Variants in RIMBP2 observed in about 807,000 individuals in gnomAD.
RIMBP2 encodes RIMS binding protein 2, also known as RIMS-binding protein 2.
RIMBP2 carries 48 observed loss-of-function variants against 118.6 expected under a neutral mutation model. The ratio of observed to expected loss-of-function variants is 0.40; its 90% CI spans 0.32 to 0.51. The LOEUF (loss-of-function observed/expected upper bound fraction) is 0.51. RIMBP2 is among the 20% of genes least tolerant of loss of function. RIMBP2 has a pLI of 0.41. For missense variants in RIMBP2, 1,551 were observed against 1,768.3 expected, an observed-to-expected ratio of 0.88 and a Z score of 2.20; for synonymous variants, 762 against 742.9, an observed-to-expected ratio of 1.03 and a Z score of -0.42.
chr12:130,474,871 C>A (rs1291020503), intron 5 of RIMBP2, among the ~76,000 whole-genome samples: 1 of 152,218 alleles, frequency 6.6e-6, no homozygotes, highest in Non-Finnish European at 1.5e-5. Flanking sequence ...CCATTCACAG[C>A]CTGTTCTCAC....
At position 130,701,404 on chromosome 12, in the gene RIMBP2, G is replaced by T. The variant is rs576317906; in HGVS notation, c.-352+14818C>A. 5.3e-5 allele frequency among the ~76,000 whole-genome samples: 8 copies of T among 152,220 alleles called. 1 individual carries two copies. Among genetic ancestry groups the T allele is most frequent in the African/African-American group, 1.9e-4 (8 of 41,450 alleles). ...GCCTTACACTCAGCTTACATCACAC[G>T]TGGAACTGCTTGTATTGGAGTTTAC... On this transcript the variant is annotated intron_variant, in intron 1 of 22. Transcript: ENST00000690449.
At chr12:130,409,943 G>T (rs2075567150) in intron 19 of RIMBP2, among the ~76,000 whole-genome samples, 1 of 152,184 alleles carries the variant, frequency 6.6e-6, no homozygotes, top group African/African-American at 2.4e-5. Context: ...TATTGTAAGT[G>T]CACATATAAC....
At chr12:130,586,882 T>C (rs2058920791) in intron 2 of RIMBP2, among the ~76,000 whole-genome samples, 1 of 85,772 alleles carries the variant, frequency 1.2e-5, no homozygotes, top group African/African-American at 4.7e-5. Flanking sequence ...ACCATCAGAG[T>C]GAACAGGCAA....
chr12:130,711,617 G>C (rs897562498), intron 1 of RIMBP2, among the ~76,000 whole-genome samples: 1 of 152,170 alleles, frequency 6.6e-6, no homozygotes, highest in African/African-American at 2.4e-5. Flanking sequence ...CATTACAGAT[G>C]CATTTGCTTC....
At chr12:130,605,234 G>T (rs1371596693) in intron 2 of RIMBP2, among the ~76,000 whole-genome samples, 1 of 152,208 alleles carries the variant, frequency 6.6e-6, no homozygotes, top group Non-Finnish European at 1.5e-5. Flanking sequence ...TTCTGGGAGT[G>T]GAGGGTGGGT....
rs2137062475 is a variant in RIMBP2, at chr12:130,438,266, G to A, written c.1656+99C>T. ...AGGGTGCCTCCAGTGATCAGGGCTG[G>A]AAGAGCAGACCCTGCCTCCTCCACT... On this transcript the variant is annotated intron_variant, in intron 12 of 22. Coordinates refer to ENST00000690449, the MANE Select transcript of RIMBP2 (RefSeq NM_001393629.1). 3 of 1,404,354 alleles carry A rather than the reference G, an allele frequency of 2.1e-6. No individual in the cohort carries two copies. In the Middle Eastern group the frequency reaches 5.7e-4, roughly 268 times the overall value. The allele number at this position is 1,404,354 out of a possible 1,614,324, so 87.0% of individuals were successfully genotyped here.
chr12:130,549,146 A>G (rs1394121796), intron 2 of RIMBP2, among the ~76,000 whole-genome samples: 1 of 152,148 alleles, frequency 6.6e-6, no homozygotes, highest in Non-Finnish European at 1.5e-5. Flanking sequence ...AGGACTGCCT[A>G]ATTCAAACGT....
chr12:130,619,247 G>A (rs75445325), intron 2 of RIMBP2, among the ~76,000 whole-genome samples: 5,830 of 152,246 alleles, frequency 0.038, 387 homozygotes, highest in African/African-American at 0.13. Flanking sequence ...TCCTCAATGA[G>A]GTCCACATTA....
intron 2 of RIMBP2, among the ~76,000 whole-genome samples, chr12:130,537,773 C>A (rs902248377): frequency 2.1e-4 from 32 of 152,182 alleles, no homozygotes; most frequent in African/African-American, 7.5e-4. Context: ...ATCCTGATTG[C>A]TTTTCATGGG....
rs1180840815 is a variant in RIMBP2, at chr12:130,442,643, G to T, written c.709C>A (p.Gln237Lys). 2 of 1,613,922 alleles carry T rather than the reference G, an allele frequency of 1.2e-6. No individual in the cohort carries two copies. Among genetic ancestry groups the T allele is most frequent in the Non-Finnish European group, 1.7e-6 (2 of 1,179,914 alleles). The change falls in exon 11 of 23, where the codon CAG becomes AAG. Residue 237 changes from glutamine (Q) to lysine (K), a missense_variant. Gln to Lys is a moderately conservative substitution (Grantham distance 53). Coordinates refer to ENST00000690449, the MANE Select transcript of RIMBP2 (RefSeq NM_001393629.1). This position sits in a 1 kb window ranked among gnomAD's most constrained non-coding sequence, Gnocchi z 6.9. ...GFYEGELLDG[Q>K]RGLVPSNFVD... ...AAGTTGGAGGGCACCAGACCCCTCT[G>T]GCCATCGAGGAGCTCTCCTGTTGGG...
rs183059120 is a variant in RIMBP2, at chr12:130,437,535, G to A, written c.1657-244C>T. ...TAGAGGGTTCCGTCAGGCCAGTGAC[G>A]TCAACCATTTATCTCCCATCCTCTG... On this transcript the variant is annotated intron_variant, in intron 12 of 22. Transcript: ENST00000690449. Among the ~76,000 whole-genome samples the A allele has an allele frequency of 1.1e-4, 17 of 152,314 alleles. No homozygotes were observed. The East Asian group carries it at 2.9e-3, about 26-fold the overall frequency.
chr12:130,686,782 G>A (rs1199838761), intron 1 of RIMBP2, among the ~76,000 whole-genome samples: 1 of 152,236 alleles, frequency 6.6e-6, no homozygotes, highest in Non-Finnish European at 1.5e-5. Context: ...GCACCAGATG[G>A]CTGCAGGGCC....
chr12:130,708,057 A>G (rs1158016372), intron 1 of RIMBP2, among the ~76,000 whole-genome samples: 1 of 152,174 alleles, frequency 6.6e-6, no homozygotes, highest in Non-Finnish European at 1.5e-5. Context: ...TTCAGCCATA[A>G]AAAGAGATGA....
In RIMBP2 at chr12:130,422,479, G is replaced by A; in HGVS notation, c.3212C>T (p.Ser1071Phe). Reference sequence around the variant, plus strand: ...GATGGATGGGACTGTCACGGGCCGGGACCTCTGAGGACCAGCGCTGCCACG... The same window carrying A: ...GATGGATGGGACTGTCACGGGCCGGAACCTCTGAGGACCAGCGCTGCCACG... The part of the protein sequence containing the change: ...FPRGSAGPQR[S>F]RPVTVPSIDD... The change falls in exon 17 of 23, where the codon TCC becomes TTC. Residue 1071 changes from serine (S) to phenylalanine (F), a missense_variant. Transcript: ENST00000690449. The surrounding 1 kb of genome is among the most constrained non-coding windows in gnomAD (Gnocchi z 5.2). The A allele has an allele frequency of 6.2e-7, 1 of 1,612,630 alleles. No individual in the cohort carries two copies. Among genetic ancestry groups the A allele is most frequent in the Non-Finnish European group, 8.5e-7 (1 of 1,178,916 alleles).
intron 4 of RIMBP2, among the ~76,000 whole-genome samples, chr12:130,502,770 C>T (rs1485266425): frequency 6.6e-6 from 1 of 152,174 alleles, no homozygotes; most frequent in African/African-American, 2.4e-5. Flanking sequence ...ACCCCTGGTG[C>T]CTGCAACAGT....
chr12:130,672,673 G>A (rs545776232), intron 1 of RIMBP2, among the ~76,000 whole-genome samples: 1 of 152,188 alleles, frequency 6.6e-6, no homozygotes, highest in African/African-American at 2.4e-5. Flanking sequence ...TGGCAGGCAG[G>A]GAGGTAGCAG....
rs975957902 is a variant in RIMBP2, at chr12:130,511,711, C to T, written c.-126-4941G>A. Among the ~76,000 whole-genome samples the T allele has an allele frequency of 1.3e-5, 2 of 152,210 alleles. No homozygotes were observed. Among genetic ancestry groups the T allele is most frequent in the African/African-American group, 4.8e-5 (2 of 41,464 alleles). On this transcript the variant is annotated intron_variant, in intron 3 of 22. Transcript: ENST00000690449. The surrounding 1 kb of genome is among the most constrained non-coding windows in gnomAD (Gnocchi z 4.3). The stretch of plus-strand genomic sequence containing the variant: ...TCTGATGAGCCTGGAGCAGAAATCT[C>T]TAGAGGACAATGACCTTTCATGAAA...
Position 130,422,992 on chromosome 12 carries a change from T to C in RIMBP2, c.3130-431A>G, listed in dbSNP as rs1312090630. ...TGCAGTTCCTCCTGTCCTGCTTGGA[T>C]AAAAGTCGTATGTGAGGTTTCAAAA... On this transcript the variant is annotated intron_variant, in intron 16 of 22. Transcript: ENST00000690449. The surrounding 1 kb of genome is among the most constrained non-coding windows in gnomAD (Gnocchi z 5.2). Among the ~76,000 whole-genome samples, 1 of 152,144 alleles carries C rather than the reference T, an allele frequency of 6.6e-6. No homozygotes were observed. The highest frequency in any genetic ancestry group is 1.5e-5 in the Non-Finnish European group (1 of 68,032).
chr12:130,490,829 G>C (rs1419864052), intron 4 of RIMBP2, among the ~76,000 whole-genome samples: 8 of 152,140 alleles, frequency 5.3e-5, no homozygotes, highest in Admixed American at 5.2e-4. Context: ...AGGACTAAAA[G>C]AGAGGCCAAA....
Sources: allele counts gnomAD v4.1 joint callset (sites outside exome capture counted in the v4.1 genomes callset), GRCh38; gene constraint gnomAD v4.1.1; non-coding constraint Gnocchi (gnomAD v3.1); transcripts MANE v1.5; gene names NCBI Gene and HGNC (gene_info 2026-07-23, HGNC 2026-07-21).